PTPRN2: variants seen among roughly 807,000 people sequenced by gnomAD.
PTPRN2 encodes the protein receptor-type tyrosine-protein phosphatase N2.
In PTPRN2, 74 loss-of-function variants were observed where a neutral mutation model predicts 118.8. The observed-to-expected ratio is 0.62, with a 90% CI of 0.52 to 0.76. PTPRN2 has a LOEUF of 0.76. Among genes scored for constraint, PTPRN2 ranks in the 30% least tolerant of loss-of-function variants. The probability of loss-of-function intolerance (pLI) is 0.00; values close to 1 mark genes in which losing one functional copy is unlikely to be tolerated. For synonymous variants in PTPRN2, 641 were observed against 608.0 expected (o/e 1.05, Z -0.80); for missense variants, 1,481 against 1,394.4 (o/e 1.06, Z -0.99).
intron 5 of PTPRN2, among the ~76,000 whole-genome samples, chr7:158,176,804 C>T (rs145226362): frequency 1.6e-4 from 24 of 152,320 alleles, no homozygotes; most frequent in Non-Finnish European, 3.2e-4. Context: ...CATGAGGGGG[C>T]AAACTTTTAA....
chr7:158,522,224 AGTGG>A (rs1824208370), intron 1 of PTPRN2, among the ~76,000 whole-genome samples: 1 of 43,594 alleles, frequency 2.3e-5, no homozygotes, highest in Non-Finnish European at 4.4e-5. Context: ...CTGTCCAGGT[AGTGG>A]CTCAGGAGGG....
intron 1 of PTPRN2, among the ~76,000 whole-genome samples, chr7:158,576,086 C>T (rs1828303932): frequency 6.6e-6 from 1 of 152,096 alleles, no homozygotes; most frequent in African/African-American, 2.4e-5. Flanking sequence ...AATACTTTCC[C>T]CGCTGGAAGA....
chr7:158,091,593 T>A (rs994031059), intron 10 of PTPRN2, among the ~76,000 whole-genome samples: 2 of 151,656 alleles, frequency 1.3e-5, no homozygotes. Flanking sequence ...GGATAGGTGA[T>A]AGATGGATGG....
At chr7:157,804,999 C>T (rs73506301) in intron 12 of PTPRN2, among the ~76,000 whole-genome samples, 2,318 of 152,298 alleles carry the variant, frequency 0.015, 64 homozygotes, top group African/African-American at 0.054. Flanking sequence ...CAGAGGGATG[C>T]GCTGCCTCAG....
chr7:158,488,079 C>G (rs116257773), intron 2 of PTPRN2, among the ~76,000 whole-genome samples: 1 of 152,026 alleles, frequency 6.6e-6, no homozygotes, highest in South Asian at 2.1e-4. Context: ...GTCAAGGAGC[C>G]GGGGAGACAG....
intron 2 of PTPRN2, among the ~76,000 whole-genome samples, chr7:158,390,766 C>T (rs1235397448): frequency 6.6e-6 from 1 of 152,234 alleles, no homozygotes. Flanking sequence ...TCTCTTCTCG[C>T]GCATCGTCCC....
chr7:158,362,967 G>A (rs1173058477), intron 2 of PTPRN2, among the ~76,000 whole-genome samples: 1 of 152,282 alleles, frequency 6.6e-6, no homozygotes, highest in Admixed American at 6.5e-5. Context: ...AGACACAATC[G>A]CAATTCAGGC....
chr7:157,567,181 C>G (rs952190029), intron 21 of PTPRN2, among the ~76,000 whole-genome samples: 1 of 152,136 alleles, frequency 6.6e-6, no homozygotes, highest in African/African-American at 2.4e-5. Flanking sequence ...GACACAGCAG[C>G]ATTAATGGAC....
intron 12 of PTPRN2, among the ~76,000 whole-genome samples, chr7:157,810,704 G>A: frequency 7.2e-6 from 1 of 139,804 alleles, no homozygotes; most frequent in Non-Finnish European, 1.5e-5. Flanking sequence ...CTGGGGGCTG[G>A]CTCTCCACGG....
At chr7:157,614,094 T>C (rs1415311862) in intron 15 of PTPRN2, 4 of 458,996 alleles carry the variant, frequency 8.7e-6, no homozygotes, top group Admixed American at 2.4e-5. Flanking sequence ...CAGGGAACCA[T>C]GAAAGAGGTG....
chr7:157,797,150 T>A (rs535279023), intron 12 of PTPRN2, among the ~76,000 whole-genome samples: 167 of 152,316 alleles, frequency 1.1e-3, no homozygotes, highest in African/African-American at 3.9e-3. Flanking sequence ...TTTATCACTA[T>A]AAAGCAAAAC....
chr7:157,841,759 C>G (rs186883099), intron 12 of PTPRN2, among the ~76,000 whole-genome samples: 1 of 152,182 alleles, frequency 6.6e-6, no homozygotes, highest in Non-Finnish European at 1.5e-5. Context: ...AGAAACACTA[C>G]TATTTTTTCT....
Position 157,976,213 on chromosome 7 carries a change from A to G in PTPRN2, c.1724-77476T>C, listed in dbSNP as rs542135040. Among the ~76,000 whole-genome samples the G allele has an allele frequency of 3.9e-5, 6 of 152,330 alleles. No individual in the cohort carries two copies. In the South Asian group the frequency reaches 1.2e-3, roughly 32 times the overall value. ...TTATCAGCAAACGAATCTTCCCAGA[A>G]TCAAGCTCTGATCTTTCTTCTCTGA... is the stretch of plus-strand genomic sequence containing the variant. On this transcript the variant is annotated intron_variant, in intron 11 of 22. Transcript: ENST00000389418.
chr7:158,488,282 G>C (rs916025239), intron 2 of PTPRN2, among the ~76,000 whole-genome samples: 43 of 152,254 alleles, frequency 2.8e-4, no homozygotes, highest in African/African-American at 9.9e-4. Context: ...GGGGTCCTAG[G>C]CTGGGCCAGA....
chr7:158,092,171 G>T (rs1814232076), intron 10 of PTPRN2, among the ~76,000 whole-genome samples: 1 of 151,044 alleles, frequency 6.6e-6, no homozygotes, highest in Non-Finnish European at 1.5e-5. Context: ...TGGGAGGGCA[G>T]AGATATATAT....
rs985619658 is a variant in PTPRN2 at position 158,191,665 on chromosome 7, A to G, written c.549+662T>C. ...CCTTAAGATGTTGAGTGGGCTTCGC[A>G]TAGTGAAGGGTCTTGGGTGGCTCTG... is the stretch of plus-strand genomic sequence containing the variant. On this transcript the variant is annotated intron_variant, in intron 5 of 22. Transcript: ENST00000389418. Among the ~76,000 whole-genome samples the G allele has an allele frequency of 3.3e-5, 5 of 152,132 alleles. No homozygotes were observed. The South Asian group carries it at 8.3e-4, about 25-fold the overall frequency.
intron 1 of PTPRN2, among the ~76,000 whole-genome samples, chr7:158,500,033 TA>T (rs34436604): frequency 0.23 from 27,324 of 121,420 alleles, 2,871 homozygotes; most frequent in East Asian, 0.41. Flanking sequence ...ACACTTGAGC[TA>T]AAAAAAAAAA....
chr7:157,621,162 T>C lies in PTPRN2; in HGVS notation c.2344+200A>G, dbSNP rs752522188. On this transcript the variant is annotated intron_variant, in intron 15 of 22. Transcript: ENST00000389418. Reference sequence around the variant, plus strand: ...AGTCCTCCCGCCCCCGGTGCTGGTATGTACAGGTCAGCACGGCTAGTTTCC... The same window carrying C: ...AGTCCTCCCGCCCCCGGTGCTGGTACGTACAGGTCAGCACGGCTAGTTTCC... Among the ~76,000 whole-genome samples, 13,151 of 34,780 alleles carry C rather than the reference T, an allele frequency of 0.38. 1,189 individuals are homozygous for C. The highest frequency in any genetic ancestry group is 0.41 in the Non-Finnish European group (7,533 of 18,476). The allele number at this position is 34,780 out of a possible 152,430, so 22.8% of individuals were successfully genotyped here.
At chr7:158,344,198 G>A (rs1807311488) in intron 2 of PTPRN2, among the ~76,000 whole-genome samples, 1 of 152,192 alleles carries the variant, frequency 6.6e-6, no homozygotes, top group Non-Finnish European at 1.5e-5. Context: ...ACCCAGGACA[G>A]CACAGACGGG....
Sources: gnomAD v4.1 joint callset for allele counts (sites outside exome capture counted in the v4.1 genomes callset) on GRCh38, gnomAD v4.1.1 for gene constraint, MANE v1.5 for transcripts, NCBI Gene and HGNC (gene_info 2026-07-23, HGNC 2026-07-21) for gene names.